Variants in HECW2 observed in about 807,000 individuals in gnomAD.
HECW2 encodes the protein E3 ubiquitin-protein ligase HECW2.
Under a neutral mutation model 175.2 loss-of-function variants are expected in HECW2, and 61 were observed. The ratio of observed to expected loss-of-function variants is 0.35; its 90% confidence interval spans 0.28 to 0.43. The LOEUF is 0.43. Among genes scored for constraint, HECW2 ranks in the 20% least tolerant of loss-of-function variants. The probability of loss-of-function intolerance (pLI) is 1.00; values close to 1 mark genes in which losing one functional copy is unlikely to be tolerated. For missense variants in HECW2, 1,524 were observed against 2,000.5 expected, an observed-to-expected ratio of 0.76 and a Z score of 4.54; for synonymous variants, 671 against 731.0, an observed-to-expected ratio of 0.92 and a Z score of 1.32.
At chr2:196,457,969 C>T (rs114649434) in intron 1 of HECW2, among the ~76,000 whole-genome samples, 197 of 152,070 alleles carry the variant, frequency 1.3e-3, no homozygotes, top group African/African-American at 4.4e-3. Context: ...AGTCACCATA[C>T]TCTACAATAC....
chr2:196,194,445 C>A lies in HECW2; in HGVS notation c.*6832G>T, dbSNP rs1465938246. On this transcript the variant is annotated 3_prime_UTR_variant, in exon 29 of 29. Transcript: ENST00000644978. ...CATGGTTTTAAACAAAAATAGAGAT[C>A]AGTATGAAAATAAAACAAATTGTAC... The A allele has an allele frequency of 6.6e-6, 1 of 151,750 alleles. No individual in the cohort carries two copies. The highest frequency in any genetic ancestry group is 1.5e-5 in the Non-Finnish European group (1 of 67,924). The allele number at this position is 151,750 out of a possible 1,614,324, so 9.4% of individuals were successfully genotyped here.
chr2:196,478,102 C>A (rs80239313), intron 1 of HECW2, among the ~76,000 whole-genome samples: 1 of 151,972 alleles, frequency 6.6e-6, no homozygotes, highest in Non-Finnish European at 1.5e-5. Context: ...CAAAAAAAAA[C>A]TCACAGAGTA....
intron 1 of HECW2, among the ~76,000 whole-genome samples, chr2:196,507,836 A>G (rs917725540): frequency 5.3e-5 from 8 of 152,238 alleles, no homozygotes; most frequent in African/African-American, 1.7e-4. Context: ...CTTTTCCAGC[A>G]GTAAGGAAAG....
chr2:196,591,940 C>G (rs1691211853), intron 1 of HECW2, among the ~76,000 whole-genome samples: 1 of 152,120 alleles, frequency 6.6e-6, no homozygotes, highest in African/African-American at 2.4e-5. Context: ...TTGGAACATA[C>G]AGCCATCTGT....
intron 2 of HECW2, among the ~76,000 whole-genome samples, chr2:196,352,182 G>A (rs1693192552): frequency 6.6e-6 from 1 of 152,150 alleles, no homozygotes; most frequent in Non-Finnish European, 1.5e-5. Context: ...AGTCTTCTCT[G>A]AATGGAGACA....
Position 196,278,561 on chromosome 2 carries a change from G to A in HECW2, c.3102C>T (p.His1034=), listed in dbSNP as rs1488666780. 7 of 1,614,040 alleles carry A rather than the reference G, an allele frequency of 4.3e-6. No individual in the cohort carries two copies. The highest frequency in any genetic ancestry group is 2.7e-5 in the African/African-American group (2 of 74,926). ...CACTGTGGCTGCGTTGCCTTGTCAG[G>A]TGTTGCCGATGAACCAGCGCACTTG... ...RPTSALVHRQ[H]LTRQRSHSAG... The change falls in exon 15 of 29, where the codon CAC becomes CAT. Residue 1034 remains histidine (H), a synonymous_variant. Transcript: ENST00000644978.
At chr2:196,388,277 C>A (rs559813382) in intron 2 of HECW2, among the ~76,000 whole-genome samples, 5 of 152,258 alleles carry the variant, frequency 3.3e-5, no homozygotes, top group South Asian at 2.1e-4. Flanking sequence ...ATGGATGATA[C>A]AGTGAGACAC....
chr2:196,290,556 A>G (rs910932212), intron 14 of HECW2: 3 of 152,160 alleles, frequency 2.0e-5, no homozygotes, highest in Non-Finnish European at 4.4e-5. Flanking sequence ...CTGATTCTCT[A>G]ATGAACACAG....
At position 196,198,979 on chromosome 2, in the gene HECW2, A is replaced by T. The variant is rs1686773159; in HGVS notation, c.*2298T>A. 1 of 152,202 alleles carries T rather than the reference A, an allele frequency of 6.6e-6. No individual in the cohort carries two copies. Among genetic ancestry groups the T allele is most frequent in the Admixed American group, 6.5e-5 (1 of 15,286 alleles). The allele number at this position is 152,202 out of a possible 1,614,324, so 9.4% of individuals were successfully genotyped here. On this transcript the variant is annotated 3_prime_UTR_variant, in exon 29 of 29. Coordinates refer to ENST00000644978, the MANE Select transcript of HECW2 (RefSeq NM_001348768.2). ...TGGGAAAAAGTTGGATGCCTTAATA[A>T]AGAAATATATTTGTTAGAAATAATT...
At chr2:196,240,630 T>C in intron 20 of HECW2, 68 bp from the exon 21 acceptor site, 1 of 1,345,726 alleles carries the variant, frequency 7.4e-7, no homozygotes, top group African/African-American at 1.5e-5. Flanking sequence ...TTTACTTATC[T>C]TTCTAGAACA....
chr2:196,443,949 C>T (rs182444220), intron 1 of HECW2, among the ~76,000 whole-genome samples: 12 of 152,234 alleles, frequency 7.9e-5, no homozygotes, highest in Middle Eastern at 3.4e-3. Context: ...GTGGGAGGAT[C>T]GCTTGAGCCT....
chr2:196,290,236 T>A (rs1690556736), intron 14 of HECW2: 1 of 152,222 alleles, frequency 6.6e-6, no homozygotes, highest in Non-Finnish European at 1.5e-5. Flanking sequence ...GGATGTTTTG[T>A]ATAGTCATGT....
intron 1 of HECW2, among the ~76,000 whole-genome samples, chr2:196,524,736 C>A (rs1273405788): frequency 8.2e-6 from 1 of 121,396 alleles, no homozygotes; most frequent in East Asian, 2.0e-4. Context: ...TGTTATGTAC[C>A]CCGTAGTCAT....
At chr2:196,252,777 G>T (rs921244009) in intron 19 of HECW2, among the ~76,000 whole-genome samples, 2 of 152,180 alleles carry the variant, frequency 1.3e-5, no homozygotes, top group African/African-American at 4.8e-5. Context: ...CCCTTCACTA[G>T]AATGTCCTTC....
chr2:196,340,355 G>A (rs372698918), intron 3 of HECW2, among the ~76,000 whole-genome samples: 17 of 152,110 alleles, frequency 1.1e-4, no homozygotes, highest in African/African-American at 3.9e-4. Flanking sequence ...TCAGCACTTC[G>A]GGAGGCCAAG....
intron 2 of HECW2, among the ~76,000 whole-genome samples, chr2:196,427,309 A>G (rs1158553107): frequency 3.3e-5 from 1 of 30,068 alleles, no homozygotes; most frequent in Non-Finnish European, 2.2e-4. Flanking sequence ...CGTTATGCAA[A>G]ATTAAAAAAT....
chr2:196,585,029 A>T (rs1690923789), intron 1 of HECW2, among the ~76,000 whole-genome samples: 1 of 152,228 alleles, frequency 6.6e-6, no homozygotes, highest in African/African-American at 2.4e-5. Context: ...AAAAATTCAT[A>T]GTCTAAGATT....
At chr2:196,576,860 G>A (rs10178757) in intron 1 of HECW2, among the ~76,000 whole-genome samples, 6,213 of 151,950 alleles carry the variant, frequency 0.041, 416 homozygotes, top group African/African-American at 0.14. Flanking sequence ...AATAAAGCTG[G>A]AAAAAGGTTT....
intron 14 of HECW2, among the ~76,000 whole-genome samples, chr2:196,286,167 C>A (rs1690378553): frequency 6.6e-6 from 1 of 151,944 alleles, no homozygotes; most frequent in African/African-American, 2.4e-5. Context: ...TGTAATTGAC[C>A]ATGTTGGGAG....
Sources: gnomAD v4.1 joint callset for allele counts (sites outside exome capture counted in the v4.1 genomes callset) on GRCh38, gnomAD v4.1.1 for gene constraint, MANE v1.5 for transcripts, NCBI Gene and HGNC (gene_info 2026-07-23, HGNC 2026-07-21) for gene names.